The following STOX2 variants were observed in gnomAD, a reference collection of about 807,000 sequenced individuals.
The protein encoded by STOX2 is storkhead box 2, also known as storkhead-box protein 2.
STOX2 carries 28 observed loss-of-function variants against 60.9 expected under a neutral mutation model. That is an observed-to-expected ratio of 0.46 (90% CI 0.34 to 0.63). STOX2 has a LOEUF of 0.63. STOX2 is among the 30% of genes least tolerant of loss of function. STOX2 has a pLI of 0.01. For synonymous variants in STOX2, 472 were observed against 463.9 expected (o/e 1.02, Z -0.22); for missense variants, 1,024 against 1,187.7 (o/e 0.86, Z 2.03).
At chr4:183,808,095 T>C (rs1013683819) in intron 1 of STOX2, among the ~76,000 whole-genome samples, 2 of 152,170 alleles carry the variant, frequency 1.3e-5, no homozygotes, top group African/African-American at 4.8e-5. Context: ...TGGTTTTTCC[T>C]TTTTAAATCT....
chr4:183,913,684 T>C (rs1244611756), intron 1 of STOX2, among the ~76,000 whole-genome samples: 2 of 151,838 alleles, frequency 1.3e-5, no homozygotes, highest in Non-Finnish European at 2.9e-5. Flanking sequence ...GGCAGGAGAA[T>C]CTCTTGAACC....
chr4:183,899,181 CTG>C (rs1300606509), intron 1 of STOX2, among the ~76,000 whole-genome samples: 7 of 152,204 alleles, frequency 4.6e-5, no homozygotes, highest in African/African-American at 1.7e-4. Context: ...TGTGTGCGAT[CTG>C]ACTGTTCCAA....
At chr4:183,813,897 G>A (rs1290193654) in intron 1 of STOX2, among the ~76,000 whole-genome samples, 1 of 152,126 alleles carries the variant, frequency 6.6e-6, no homozygotes, top group African/African-American at 2.4e-5. Flanking sequence ...ACTCTTCTTT[G>A]GAAAGTATCT....
At chr4:183,883,100 A>G (rs1194051917) in intron 1 of STOX2, among the ~76,000 whole-genome samples, 2 of 152,116 alleles carry the variant, frequency 1.3e-5, no homozygotes, top group Non-Finnish European at 2.9e-5. Context: ...CAGCAATGTC[A>G]TCATGTTTCA....
At chr4:183,853,014 G>A (rs1740197347) in intron 1 of STOX2, among the ~76,000 whole-genome samples, 1 of 152,208 alleles carries the variant, frequency 6.6e-6, no homozygotes, top group South Asian at 2.1e-4. Flanking sequence ...GGGAAAGGCA[G>A]TATTAGGAAT....
intron 1 of STOX2, among the ~76,000 whole-genome samples, chr4:183,918,303 C>A (rs796107462): frequency 5.3e-5 from 8 of 152,314 alleles, no homozygotes; most frequent in African/African-American, 1.9e-4. Context: ...GAACTTCCAA[C>A]TAAGGAAAAA....
At chr4:183,871,995 A>T (rs1381778339) in intron 1 of STOX2, among the ~76,000 whole-genome samples, 4 of 152,202 alleles carry the variant, frequency 2.6e-5, no homozygotes, top group Non-Finnish European at 5.9e-5. Context: ...TGCTGCAGGT[A>T]TTAAAAAAAC....
chr4:183,917,496 T>C (rs1403307310), intron 1 of STOX2, among the ~76,000 whole-genome samples: 1 of 152,258 alleles, frequency 6.6e-6, no homozygotes, highest in Non-Finnish European at 1.5e-5. Context: ...GATTGGAATG[T>C]GCGTTCTGTT....
At chr4:183,962,164 A>G (rs1375156550) in intron 1 of STOX2, among the ~76,000 whole-genome samples, 1 of 152,208 alleles carries the variant, frequency 6.6e-6, no homozygotes, top group Non-Finnish European at 1.5e-5. Context: ...CAGTTTGCAT[A>G]AGATTGGATC....
intron 1 of STOX2, among the ~76,000 whole-genome samples, chr4:183,847,846 G>C (rs957326639): frequency 6.6e-6 from 1 of 152,136 alleles, no homozygotes; most frequent in South Asian, 2.1e-4. Context: ...CCTATTCCAC[G>C]ATTTTCGCTG....
At chr4:183,891,409 A>T (rs1741212383) in intron 1 of STOX2, among the ~76,000 whole-genome samples, 2 of 125,326 alleles carry the variant, frequency 1.6e-5, no homozygotes, top group Non-Finnish European at 3.4e-5. Flanking sequence ...TATATATATG[A>T]TGGAATACTA....
chr4:183,935,928 C>T (rs28427060), intron 1 of STOX2, among the ~76,000 whole-genome samples: 17,175 of 152,232 alleles, frequency 0.11, 1,180 homozygotes, highest in South Asian at 0.19. Flanking sequence ...ATATACAGTA[C>T]TTTATATACC....
At position 183,853,122 on chromosome 4, in the gene STOX2, A is replaced by G. The variant is rs77701685; in HGVS notation, c.364+55067A>G. 3.6e-3 allele frequency among the ~76,000 whole-genome samples: 553 copies of G among 152,338 alleles called. 1 individual carries two copies. The highest frequency in any genetic ancestry group is 0.012 in the African/African-American group (518 of 41,580). Reference sequence around the variant, plus strand: ...CCCAGATTCCATAATTCAAGGTGAAATGAAATCAAAGTAAGGCATTTCCTC... The same window carrying G: ...CCCAGATTCCATAATTCAAGGTGAAGTGAAATCAAAGTAAGGCATTTCCTC... On this transcript the variant is annotated intron_variant, in intron 1 of 2. Coordinates refer to the STOX2 transcript ENST00000513034.
chr4:183,966,063 G>T (rs1047821221), intron 1 of STOX2, among the ~76,000 whole-genome samples: 1 of 146,892 alleles, frequency 6.8e-6, no homozygotes, highest in African/African-American at 2.5e-5. Flanking sequence ...AGAGAGGGGG[G>T]CAGGGAGGGA....
At chr4:183,820,869 G>A (rs1011777437) in intron 1 of STOX2, among the ~76,000 whole-genome samples, 3 of 152,036 alleles carry the variant, frequency 2.0e-5, no homozygotes, top group African/African-American at 4.8e-5. Flanking sequence ...CAGCACTGTG[G>A]TAGGCCGAGG....
intron 1 of STOX2, among the ~76,000 whole-genome samples, chr4:183,877,031 A>G (rs1049135457): frequency 1.3e-5 from 2 of 152,108 alleles, no homozygotes; most frequent in Admixed American, 6.5e-5. Context: ...AAAGGCCCAT[A>G]CTATGAGACT....
chr4:184,004,018 C>A (rs1051868895), intron 2 of STOX2, among the ~76,000 whole-genome samples: 5 of 151,902 alleles, frequency 3.3e-5, no homozygotes, highest in African/African-American at 1.2e-4. Context: ...AAAATCTAAC[C>A]CTTTAAATTC....
intron 1 of STOX2, among the ~76,000 whole-genome samples, chr4:183,807,119 A>C (rs7688208): frequency 0.014 from 2,086 of 151,974 alleles, 29 homozygotes; most frequent in African/African-American, 0.037. Flanking sequence ...ACTGCAGGCG[A>C]CCACCACCAC....
rs999739508 is a variant in STOX2 at position 184,020,555 on chromosome 4, C to T, written c.*3271C>T. 1 of 152,142 alleles carries T rather than the reference C, an allele frequency of 6.6e-6. No individual in the cohort carries two copies. The highest frequency in any genetic ancestry group is 1.9e-4 in the East Asian group (1 of 5,202). 9.4% of individuals were successfully genotyped at this position (152,142 alleles called of 1,614,324 possible). The stretch of plus-strand genomic sequence containing the variant: ...GGGCTCTGCCTTCACTCGCATGCTA[C>T]CATGTCGAGCCCAAACTCCACTTTA... On this transcript the variant is annotated 3_prime_UTR_variant, in exon 4 of 4. Coordinates refer to ENST00000308497, the MANE Select transcript of STOX2 (RefSeq NM_020225.3).
Sources: gnomAD v4.1 joint callset for allele counts (sites outside exome capture counted in the v4.1 genomes callset) on GRCh38, gnomAD v4.1.1 for gene constraint, MANE v1.5 for transcripts, NCBI Gene and HGNC (gene_info 2026-07-23, HGNC 2026-07-21) for gene names.